CGGBP1: variants seen among roughly 807,000 people sequenced by gnomAD.
CGGBP1 encodes the protein CGG triplet repeat-binding protein 1.
In CGGBP1, 4 loss-of-function variants were observed where a neutral mutation model predicts 11.4. The observed-to-expected ratio is 0.35, with a 90% confidence interval of 0.17 to 0.80. The LOEUF is 0.80. Ranked by LOEUF, CGGBP1 falls within the 30% of genes least tolerant of loss-of-function variation. The pLI, the probability that CGGBP1 is intolerant of heterozygous loss-of-function variation, is 0.52. For synonymous variants in CGGBP1, 76 were observed against 74.1 expected, an observed-to-expected ratio of 1.03 and a Z score of -0.13; for missense variants, 135 against 202.1, an observed-to-expected ratio of 0.67 and a Z score of 2.01.
chr3:88,107,733 C>T (rs1704831130), intron 2 of CGGBP1, among the ~76,000 whole-genome samples: 1 of 152,062 alleles, frequency 6.6e-6, no homozygotes, highest in Non-Finnish European at 1.5e-5. Flanking sequence ...ATTTTTTCTT[C>T]AGGTGTATCT....
intron 1 of CGGBP1, among the ~76,000 whole-genome samples, chr3:88,147,243 G>C (rs563393619): frequency 2.0e-5 from 3 of 152,316 alleles, no homozygotes; most frequent in African/African-American, 7.2e-5. Flanking sequence ...GAAAAATAAA[G>C]TGGGTAGCAA....
chr3:88,102,029 T>G (rs747813400), intron 2 of CGGBP1, among the ~76,000 whole-genome samples: 2 of 152,198 alleles, frequency 1.3e-5, no homozygotes, highest in Admixed American at 6.6e-5. Flanking sequence ...CTAAGAATTC[T>G]TTATGTATTC....
chr3:88,052,380 T>C lies in CGGBP1; in HGVS notation c.*3093A>G, dbSNP rs1051436. On this transcript the variant is annotated 3_prime_UTR_variant, in exon 4 of 4. Transcript: ENST00000482016. ...AATGAACATGTTTTAAGGTGATTTGTCCTCATTTAACGGTAGCTGGGGTAA... is the reference window on the plus strand; with the variant it reads ...AATGAACATGTTTTAAGGTGATTTGCCCTCATTTAACGGTAGCTGGGGTAA... The C allele has an allele frequency of 0.75, 114,480 of 152,556 alleles. 44,920 individuals are homozygous for C. Among genetic ancestry groups the C allele is most frequent in the South Asian group, 0.91 (4,375 of 4,816 alleles). The allele number at this position is 152,556 out of a possible 1,614,324, so 9.5% of individuals were successfully genotyped here.
intron 2 of CGGBP1, among the ~76,000 whole-genome samples, chr3:88,103,716 C>T (rs962547301): frequency 9.4e-5 from 14 of 148,372 alleles, no homozygotes; most frequent in Non-Finnish European, 2.1e-4. Context: ...AGTTAAAACA[C>T]AATGAAGTGA....
intron 2 of CGGBP1, among the ~76,000 whole-genome samples, chr3:88,113,885 C>T (rs568894697): frequency 6.6e-5 from 10 of 152,154 alleles, no homozygotes; most frequent in South Asian, 6.2e-4. Flanking sequence ...GTATTAGGTA[C>T]GTTATATTGA....
At chr3:88,123,685 T>A (rs1296009584) in intron 2 of CGGBP1, among the ~76,000 whole-genome samples, 1 of 152,226 alleles carries the variant, frequency 6.6e-6, no homozygotes, top group Non-Finnish European at 1.5e-5. Context: ...AGTCCAGTTC[T>A]AAGTCCCATA....
intron 2 of CGGBP1, among the ~76,000 whole-genome samples, chr3:88,104,659 A>G: frequency 6.6e-6 from 1 of 152,242 alleles, no homozygotes; most frequent in East Asian, 1.9e-4. Context: ...AAAGATATGT[A>G]TATTTGTAAA....
intron 1 of CGGBP1, chr3:88,143,486 A>G (rs1707222666): frequency 6.6e-6 from 1 of 152,310 alleles, no homozygotes; most frequent in African/African-American, 2.4e-5. Context: ...TATGTCTTGT[A>G]ATAAAAAGTC....
At chr3:88,089,684 G>A (rs1188252253) in intron 2 of CGGBP1, among the ~76,000 whole-genome samples, 2 of 152,044 alleles carry the variant, frequency 1.3e-5, no homozygotes, top group African/African-American at 4.8e-5. Flanking sequence ...CTAGGATTAA[G>A]CTCAGTTTAT....
rs1329754487 is a variant in CGGBP1, at chr3:88,069,699, G to T, written c.-228-11476C>A. Among the ~76,000 whole-genome samples the T allele has an allele frequency of 2.6e-5, 4 of 152,144 alleles. No homozygotes were observed. In the East Asian group the frequency reaches 7.7e-4, roughly 29 times the overall value. On this transcript the variant is annotated intron_variant, in intron 2 of 3. Coordinates refer to the CGGBP1 transcript ENST00000462901. ...GTATTCACCACTGCTTTGGAAAGTT[G>T]ACATTATAGAGTGTTAATGTACTGG...
intron 2 of CGGBP1, among the ~76,000 whole-genome samples, chr3:88,109,031 C>T (rs566279112): frequency 4.7e-4 from 72 of 152,042 alleles, no homozygotes; most frequent in African/African-American, 1.6e-3. Flanking sequence ...GAGACATGAA[C>T]AGAAACATGT....
rs1313750613 is a variant in CGGBP1, at chr3:88,129,230, A to G, written c.-229+11740T>C. On this transcript the variant is annotated intron_variant, in intron 2 of 3. Transcript: ENST00000462901. ...TAACAAATGATGAAATCAATAAAATATACTCATTAATAAGTATTATTCACA... is the reference window on the plus strand; with the variant it reads ...TAACAAATGATGAAATCAATAAAATGTACTCATTAATAAGTATTATTCACA... Among the ~76,000 whole-genome samples, 3 of 151,046 alleles carry G rather than the reference A, an allele frequency of 2.0e-5. No individual in the cohort carries two copies. In the Admixed American group the frequency reaches 2.0e-4, roughly 10 times the overall value.
chr3:88,117,805 C>A (rs1367512862), intron 2 of CGGBP1, among the ~76,000 whole-genome samples: 1 of 151,952 alleles, frequency 6.6e-6, no homozygotes, highest in Non-Finnish European at 1.5e-5. Context: ...GCGGAAATAA[C>A]TACAGGGTGG....
intron 2 of CGGBP1, among the ~76,000 whole-genome samples, chr3:88,104,058 A>G (rs1290314739): frequency 6.6e-6 from 1 of 152,044 alleles, no homozygotes; most frequent in African/African-American, 2.4e-5. Flanking sequence ...CACCTGGTCA[A>G]ACTTTCAGTT....
chr3:88,065,951 T>C (rs1350833722), intron 2 of CGGBP1, among the ~76,000 whole-genome samples: 1 of 152,162 alleles, frequency 6.6e-6, no homozygotes, highest in African/African-American at 2.4e-5. Flanking sequence ...TGCAGGCTGG[T>C]CTTAACTCCT....
chr3:88,137,227 A>G (rs1160643911), intron 2 of CGGBP1, among the ~76,000 whole-genome samples: 1 of 148,700 alleles, frequency 6.7e-6, no homozygotes, highest in Admixed American at 6.7e-5. Flanking sequence ...AAGGATGTAG[A>G]TAGAAGTATG....
At chr3:88,093,884 T>A (rs1703894299) in intron 2 of CGGBP1, among the ~76,000 whole-genome samples, 1 of 152,248 alleles carries the variant, frequency 6.6e-6, no homozygotes. Context: ...ACAAAAGGTG[T>A]TTGTATTGTA....
intron 2 of CGGBP1, among the ~76,000 whole-genome samples, chr3:88,103,175 TA>T (rs1313222597): frequency 1.3e-5 from 2 of 152,014 alleles, no homozygotes; most frequent in Admixed American, 1.3e-4. Context: ...CATTTTTTTT[TA>T]AAAAAGAGAC....
intron 2 of CGGBP1, among the ~76,000 whole-genome samples, chr3:88,122,987 G>A (rs1705864805): frequency 1.3e-5 from 2 of 149,594 alleles, no homozygotes; most frequent in Admixed American, 6.7e-5. Flanking sequence ...TCCTGCCTGG[G>A]CGACAGAGTG....
Sources: allele counts gnomAD v4.1 joint callset (sites outside exome capture counted in the v4.1 genomes callset), GRCh38; gene constraint gnomAD v4.1.1; transcripts MANE v1.5; gene names NCBI Gene and HGNC (gene_info 2026-07-23, HGNC 2026-07-21).